The following MATN2 variants were observed in gnomAD, a reference collection of about 807,000 sequenced individuals.
MATN2 encodes the protein matrilin 2, also known as matrilin-2.
A neutral mutation model predicts 103.2 loss-of-function variants in MATN2; 69 were observed. That is an observed-to-expected ratio of 0.67 (90% CI 0.55 to 0.82). The LOEUF (loss-of-function observed/expected upper bound fraction) is 0.82. Among genes scored for constraint, MATN2 ranks in the 40% least tolerant of loss-of-function variants. MATN2 has a pLI of 0.00. For synonymous variants in MATN2, 429 were observed against 450.2 expected, an observed-to-expected ratio of 0.95 and a Z score of 0.60; for missense variants, 1,023 against 1,211.5, an observed-to-expected ratio of 0.84 and a Z score of 2.31.
intron 7 of MATN2, among the ~76,000 whole-genome samples, chr8:97,995,455 T>A (rs1035186009): frequency 3.3e-5 from 5 of 152,186 alleles, no homozygotes; most frequent in African/African-American, 1.2e-4. Flanking sequence ...GAATTTTTTT[T>A]CAGAAAGTCT....
Position 97,871,977 on chromosome 8 carries a change from C to T in MATN2, c.-27+2690C>T, listed in dbSNP as rs115853680. Reference sequence around the variant, plus strand: ...AAGATTTTGGAAAGTTACTTAGACTCTCTGTGCCTGACATCTGTTTCTTCA... The same window carrying T: ...AAGATTTTGGAAAGTTACTTAGACTTTCTGTGCCTGACATCTGTTTCTTCA... On this transcript the variant is annotated intron_variant, in intron 1 of 18. Transcript: ENST00000254898. Among the ~76,000 whole-genome samples, 529 of 152,344 alleles carry T rather than the reference C, an allele frequency of 3.5e-3. 5 individuals carry two copies. The highest frequency in any genetic ancestry group is 0.012 in the African/African-American group (502 of 41,570).
At chr8:97,917,259 C>T (rs1436307385) in intron 2 of MATN2, among the ~76,000 whole-genome samples, 1 of 152,230 alleles carries the variant, frequency 6.6e-6, no homozygotes, top group African/African-American at 2.4e-5. Flanking sequence ...ATCCCGAAAG[C>T]ATCTTTCTCT....
Position 97,976,069 on chromosome 8 carries a change from T to G in MATN2, c.959-2817T>G, listed in dbSNP as rs1466807943. Among the ~76,000 whole-genome samples, 3 of 152,258 alleles carry G rather than the reference T, an allele frequency of 2.0e-5. No individual in the cohort carries two copies. In the East Asian group the frequency reaches 5.8e-4, roughly 29 times the overall value. ...GCTTGTGAATTAAACCTGCAAATAC[T>G]AGGTTCTACTAGAACTCTTTAGGGA... On this transcript the variant is annotated intron_variant, in intron 5 of 18. Transcript: ENST00000254898.
chr8:97,973,388 G>A (rs539025215), intron 5 of MATN2, among the ~76,000 whole-genome samples: 1 of 152,200 alleles, frequency 6.6e-6, no homozygotes, highest in African/African-American at 2.4e-5. Flanking sequence ...TTGGGCCTGT[G>A]GTTAGCTGAT....
intron 4 of MATN2, among the ~76,000 whole-genome samples, chr8:97,960,932 G>A (rs1444463338): frequency 1.3e-5 from 2 of 151,950 alleles, no homozygotes; most frequent in African/African-American, 4.8e-5. Flanking sequence ...CTCCTGCCTC[G>A]GCCTCCTGAG....
chr8:97,979,646 A>T (rs1247434073), intron 6 of MATN2, among the ~76,000 whole-genome samples: 1 of 152,244 alleles, frequency 6.6e-6, no homozygotes, highest in Non-Finnish European at 1.5e-5. Flanking sequence ...ATAAAGGTAC[A>T]TCAGGAGACT....
intron 2 of MATN2, among the ~76,000 whole-genome samples, chr8:97,921,058 G>T (rs1259597492): frequency 6.6e-6 from 1 of 152,130 alleles, no homozygotes; most frequent in Non-Finnish European, 1.5e-5. Flanking sequence ...TGCAGGGCTT[G>T]ACATTTTTAC....
chr8:98,029,886 T>C (rs1813945656), intron 14 of MATN2, among the ~76,000 whole-genome samples: 1 of 152,230 alleles, frequency 6.6e-6, no homozygotes, highest in African/African-American at 2.4e-5. Context: ...TGTTGAAATT[T>C]AAGGCTGATC....
chr8:97,882,523 A>G (rs1312945176), intron 1 of MATN2, among the ~76,000 whole-genome samples: 1 of 151,452 alleles, frequency 6.6e-6, no homozygotes, highest in East Asian at 2.0e-4. Context: ...CCCTCCCTCG[A>G]GTAGCTGTTC....
intron 3 of MATN2, among the ~76,000 whole-genome samples, chr8:97,935,691 T>A (rs2130161769): frequency 6.6e-6 from 1 of 152,284 alleles, no homozygotes; most frequent in Non-Finnish European, 1.5e-5. Context: ...TCTTACTATG[T>A]TGCCTAGGCT....
intron 7 of MATN2, among the ~76,000 whole-genome samples, chr8:98,001,601 A>G (rs1441313711): frequency 1.3e-5 from 2 of 151,336 alleles, no homozygotes; most frequent in Non-Finnish European, 2.9e-5. Flanking sequence ...AGTAGCTGGG[A>G]TTGCAGACGC....
chr8:98,032,916 TCAGTA>T, intron 16 of MATN2, 121 bp from the exon 17 acceptor site: 1 of 748,020 alleles, frequency 1.3e-6, no homozygotes, highest in Non-Finnish European at 2.0e-6. Context: ...TCTTTTTGCT[TCAGTA>T]TGTCCCAAAG....
intron 5 of MATN2, among the ~76,000 whole-genome samples, chr8:97,972,930 T>C (rs923146842): frequency 2.0e-5 from 3 of 152,254 alleles, no homozygotes; most frequent in East Asian, 1.9e-4. Flanking sequence ...AGAGCCATCA[T>C]TGAGTTATAC....
chr8:97,968,319 C>T (rs1378389876), intron 5 of MATN2, among the ~76,000 whole-genome samples: 4 of 152,228 alleles, frequency 2.6e-5, no homozygotes, highest in African/African-American at 9.6e-5. Context: ...ACTTGGCTCC[C>T]TTTTAGTTAC....
At chr8:98,027,336 A>G (rs1563735052) in intron 13 of MATN2, 80 bp from the exon 14 acceptor site, 1 of 1,315,238 alleles carries the variant, frequency 7.6e-7, no homozygotes, top group East Asian at 2.3e-5. Flanking sequence ...TATGCCTCCA[A>G]TTGAAGCATC....
intron 10 of MATN2, among the ~76,000 whole-genome samples, chr8:98,010,330 T>C (rs1813116346): frequency 6.6e-6 from 1 of 152,166 alleles, no homozygotes; most frequent in South Asian, 2.1e-4. Flanking sequence ...TGGGGCTCTC[T>C]GTGCACATGT....
At chr8:97,878,358 C>T (rs1818146348) in intron 1 of MATN2, among the ~76,000 whole-genome samples, 1 of 151,754 alleles carries the variant, frequency 6.6e-6, no homozygotes, top group African/African-American at 2.4e-5. Flanking sequence ...AGCCCAGGAG[C>T]TCACGGCCAG....
chr8:97,925,247 G>A (rs1019491340), intron 2 of MATN2, among the ~76,000 whole-genome samples: 12 of 152,134 alleles, frequency 7.9e-5, no homozygotes, highest in East Asian at 1.9e-4. Context: ...AAGTACGGCC[G>A]CTGGGATTGG....
intron 4 of MATN2, among the ~76,000 whole-genome samples, chr8:97,952,755 T>C (rs1810998860): frequency 6.6e-6 from 1 of 152,146 alleles, no homozygotes; most frequent in Non-Finnish European, 1.5e-5. Flanking sequence ...TAATGGTAGC[T>C]CCCTGGCAAG....
Sources: gnomAD v4.1 joint callset for allele counts (sites outside exome capture counted in the v4.1 genomes callset) on GRCh38, gnomAD v4.1.1 for gene constraint, MANE v1.5 for transcripts, NCBI Gene and HGNC (gene_info 2026-07-23, HGNC 2026-07-21) for gene names.